The following DOCK1 variants were observed in gnomAD, a reference collection of about 807,000 sequenced individuals.
DOCK1 encodes dedicator of cytokinesis 1, also known as dedicator of cytokinesis protein 1.
A neutral mutation model predicts 262.7 loss-of-function variants in DOCK1; 138 were observed. That is an observed-to-expected ratio of 0.53 (90% CI 0.46 to 0.61). The LOEUF is 0.61. DOCK1 is among the 20% of genes least tolerant of loss of function. The pLI is 0.00. For synonymous variants in DOCK1, 866 were observed against 867.4 expected (o/e 1.00, Z 0.03); for missense variants, 1,908 against 2,370.7 (o/e 0.80, Z 4.05).
chr10:127,393,010 C>T (rs1214292390), intron 38 of DOCK1, among the ~76,000 whole-genome samples: 1 of 152,198 alleles, frequency 6.6e-6, no homozygotes, highest in African/African-American at 2.4e-5. Context: ...AACGGGCAGA[C>T]AAGCATGCAG....
rs371112922 is a variant in DOCK1 at position 126,999,427 on chromosome 10, G to A, written c.841G>A (p.Val281Met). 1.4e-5 allele frequency: 23 copies of A among 1,612,820 alleles called. No homozygotes were observed. The highest frequency in any genetic ancestry group is 1.7e-5 in the Non-Finnish European group (20 of 1,179,348). Residue 281 changes from valine to methionine, a missense_variant, in exon 9 of 52, where the codon GTG becomes ATG. Around this residue, in one of 9 missense-constraint regions of DOCK1, gnomAD observed 102 missense variants for 154.9 expected, o/e 0.66. Coordinates refer to ENST00000623213, the MANE Select transcript of DOCK1 (RefSeq NM_001290223.2). ...AGACAGATTACATAATTTGCGAGCC[G>A]TGTTTACTGTAAGTGCACCCAAAGA... ...DIDRLHNLRA[V>M]FTDLGSKDLK... is the part of the protein sequence containing the mutation.
intron 29 of DOCK1, among the ~76,000 whole-genome samples, chr10:127,291,984 G>A (rs1193501871): frequency 6.6e-6 from 1 of 152,196 alleles, no homozygotes; most frequent in Non-Finnish European, 1.5e-5. Context: ...CCACTCCAGA[G>A]CAGGTATCTG....
At chr10:126,951,099 T>C (rs1051992555) in intron 1 of DOCK1, among the ~76,000 whole-genome samples, 20 of 145,994 alleles carry the variant, frequency 1.4e-4, no homozygotes, top group East Asian at 5.8e-4. Flanking sequence ...TTGATGATAG[T>C]GGTGGTAGTG....
At chr10:127,132,250 G>T (rs2050368118) in intron 27 of DOCK1, among the ~76,000 whole-genome samples, 1 of 152,190 alleles carries the variant, frequency 6.6e-6, no homozygotes. Flanking sequence ...ATTTGAAATG[G>T]GTGATTGGAA....
intron 3 of DOCK1, among the ~76,000 whole-genome samples, chr10:126,979,209 T>G (rs1289113343): frequency 2.0e-5 from 3 of 152,126 alleles, no homozygotes; most frequent in African/African-American, 7.2e-5. Context: ...TTCACATTGG[T>G]TTTCCCTTCC....
rs2034621045 is a variant in DOCK1, at chr10:126,937,347, A to AC, written c.46+31787dup. ...CTGATTTCACTTATTTTGAGTGTGT[A>AC]CCCAGAAGTGGAATTGGTAGGTCAT... On this transcript the variant is annotated intron_variant, in intron 1 of 51. Coordinates refer to ENST00000623213, the MANE Select transcript of DOCK1 (RefSeq NM_001290223.2). Among the ~76,000 whole-genome samples the AC allele has an allele frequency of 2.0e-5, 3 of 152,254 alleles. No individual in the cohort carries two copies. The South Asian group carries it at 6.2e-4, about 32-fold the overall frequency.
chr10:127,075,647 A>G (rs947155700), intron 23 of DOCK1, among the ~76,000 whole-genome samples: 4 of 152,172 alleles, frequency 2.6e-5, no homozygotes, highest in African/African-American at 9.6e-5. Flanking sequence ...CCTTCTTCAC[A>G]TGGCGGCAGG....
Position 127,175,408 on chromosome 10 carries a change from C to G in DOCK1, c.2847+47644C>G, listed in dbSNP as rs1163732417. ...GTGGGACTAGGCTGGTTCCCCAGCC[C>G]CGGCGGGGTGTGAGTCTGCGACGGC... On this transcript the variant is annotated intron_variant, in intron 27 of 51. Coordinates refer to ENST00000623213, the MANE Select transcript of DOCK1 (RefSeq NM_001290223.2). The surrounding 1 kb of genome is among the most constrained non-coding windows in gnomAD (Gnocchi z 6.3). 3 of 1,613,608 alleles carry G rather than the reference C, an allele frequency of 1.9e-6. No homozygotes were observed. Among genetic ancestry groups the G allele is most frequent in the Middle Eastern group, 1.6e-4 (1 of 6,062 alleles).
chr10:127,357,673 C>T (rs1408686176), intron 32 of DOCK1, among the ~76,000 whole-genome samples: 1 of 152,150 alleles, frequency 6.6e-6, no homozygotes, highest in Admixed American at 6.5e-5. Flanking sequence ...TGAGAAGCGG[C>T]CAAGAGGTCA....
chr10:127,309,657 T>C (rs185211794), intron 29 of DOCK1, among the ~76,000 whole-genome samples: 36 of 152,330 alleles, frequency 2.4e-4, no homozygotes, highest in African/African-American at 8.4e-4. Context: ...TTTCTGCATA[T>C]GGCTAGCCAG....
intron 23 of DOCK1, among the ~76,000 whole-genome samples, chr10:127,092,262 C>T (rs942703253): frequency 6.6e-6 from 1 of 152,150 alleles, no homozygotes; most frequent in African/African-American, 2.4e-5. Flanking sequence ...TGAGCTGGAT[C>T]GGGGAGGAGA....
intron 29 of DOCK1, among the ~76,000 whole-genome samples, chr10:127,318,526 G>A (rs988425721): frequency 1.3e-5 from 2 of 152,222 alleles, no homozygotes; most frequent in African/African-American, 4.8e-5. Flanking sequence ...GCCCAGCACT[G>A]GGTTCATCCT....
chr10:127,337,247 A>G (rs1391492072), intron 29 of DOCK1, among the ~76,000 whole-genome samples: 1 of 152,092 alleles, frequency 6.6e-6, no homozygotes, highest in Non-Finnish European at 1.5e-5. Context: ...ACATCCTCAG[A>G]GGCTCTCTCA....
chr10:127,402,288 C>G (rs1478153564), intron 38 of DOCK1, among the ~76,000 whole-genome samples: 1 of 152,138 alleles, frequency 6.6e-6, no homozygotes. Context: ...TGGGCGGCAG[C>G]TAGGAAGGCT....
At chr10:127,377,600 A>G (rs954299849) in intron 35 of DOCK1, among the ~76,000 whole-genome samples, 3 of 151,982 alleles carry the variant, frequency 2.0e-5, no homozygotes, top group Non-Finnish European at 4.4e-5. Context: ...TCTTGCCCTT[A>G]AAAAAACAAA....
intron 3 of DOCK1, among the ~76,000 whole-genome samples, chr10:126,979,556 ATTTG>A (rs912521097): frequency 6.6e-6 from 1 of 151,948 alleles, no homozygotes; most frequent in African/African-American, 2.4e-5. Flanking sequence ...CTTACTTGGT[ATTTG>A]TTATCACCTT....
At chr10:127,283,930 C>A (rs1335899302) in intron 29 of DOCK1, among the ~76,000 whole-genome samples, 4 of 152,296 alleles carry the variant, frequency 2.6e-5, no homozygotes, top group African/African-American at 7.2e-5. Flanking sequence ...TACACATTGT[C>A]AAATTGCTTT....
intron 23 of DOCK1, 71 bp downstream of exon 23, chr10:127,061,847 T>C (rs576318620): frequency 1.6e-6 from 2 of 1,239,968 alleles, no homozygotes; most frequent in East Asian, 2.7e-5. Flanking sequence ...TGGAGGTAGG[T>C]ATTTTGATTA....
intron 27 of DOCK1, among the ~76,000 whole-genome samples, chr10:127,198,867 T>G (rs1041959819): frequency 9.9e-5 from 15 of 152,076 alleles, no homozygotes; most frequent in African/African-American, 3.6e-4. Flanking sequence ...TCTGGAGAGA[T>G]ATTCCACATG....
Sources: gnomAD v4.1 joint callset for allele counts (sites outside exome capture counted in the v4.1 genomes callset) on GRCh38, gnomAD v4.1.1 for gene constraint, gnomAD v4.1.1 regional missense constraint, Gnocchi (gnomAD v3.1) non-coding constraint, MANE v1.5 for transcripts, NCBI Gene and HGNC (gene_info 2026-07-23, HGNC 2026-07-21) for gene names.